C11orf65: variants seen among roughly 807,000 people sequenced by gnomAD.
The protein encoded by C11orf65 is chromosome 11 open reading frame 65, also known as protein MFI.
A neutral mutation model predicts 35.3 loss-of-function variants in C11orf65; 38 were observed. That is an observed-to-expected ratio of 1.08 (90% confidence interval 0.83 to 1.41). The LOEUF (loss-of-function observed/expected upper bound fraction) is 1.41, where lower values mean the gene tolerates loss of function less well. Ranked by LOEUF, C11orf65 falls within the 40% of genes most tolerant of loss-of-function variation. The probability of loss-of-function intolerance (pLI) is 0.00; values close to 1 mark genes in which losing one functional copy is unlikely to be tolerated. For synonymous variants in C11orf65, 105 were observed against 114.4 expected (o/e 0.92, Z 0.53); for missense variants, 370 against 367.1 (o/e 1.01, Z -0.06).
intron 3 of C11orf65, among the ~76,000 whole-genome samples, chr11:108,419,572 C>CA (rs1255665670): frequency 6.6e-6 from 1 of 152,172 alleles, no homozygotes; most frequent in East Asian, 1.9e-4. Flanking sequence ...CATGGTGGCC[C>CA]ACACCTGTGG....
At chr11:108,408,139 C>T (rs917602703) in intron 3 of C11orf65, among the ~76,000 whole-genome samples, 2 of 151,458 alleles carry the variant, frequency 1.3e-5, no homozygotes, top group African/African-American at 4.8e-5. Context: ...GACTTAATTT[C>T]TTATGGACAT....
chr11:108,331,318 T>G (rs1179175086), downstream of C11orf65: 28 of 1,462,492 alleles, frequency 1.9e-5, no homozygotes, highest in African/African-American at 2.9e-5. Flanking sequence ...AACAATATAG[T>G]TAGTGAAGTT....
chr11:108,466,192 A>G (rs776131695), intron 1 of C11orf65, among the ~76,000 whole-genome samples: 2 of 152,164 alleles, frequency 1.3e-5, no homozygotes, highest in Non-Finnish European at 2.9e-5. Flanking sequence ...GGCTTTAGAT[A>G]AGAAATAAGA....
rs763650972 is a variant in C11orf65, at chr11:108,315,964, T to A, written c.641-6893A>T. 1.7e-5 allele frequency: 27 copies of A among 1,607,428 alleles called. No homozygotes were observed. In the East Asian group the frequency reaches 5.6e-4, roughly 33 times the overall value. ...ATAGTAATTCTGTTTATGAAGGAGT[T>A]ATGTGTGTGTAAAACCCAAAGCTAT... On this transcript the variant is annotated intron_variant, in intron 6 of 6. Transcript: ENST00000525729.
At chr11:108,365,962 A>G in intron 2 of C11orf65, 1 of 173,280 alleles carries the variant, frequency 5.8e-6, no homozygotes, top group Non-Finnish European at 1.2e-5. Context: ...CTGGGAGGTG[A>G]AGGTTGCTGT....
At chr11:108,394,575 G>A (rs745857008) in intron 6 of C11orf65, among the ~76,000 whole-genome samples, 17 of 152,174 alleles carry the variant, frequency 1.1e-4, no homozygotes, top group African/African-American at 4.1e-4. Context: ...AGTAACTAGA[G>A]AGAAGTTAGT....
At chr11:108,332,651 C>T in intron 3 of C11orf65, 11 of 1,153,696 alleles carry the variant, frequency 9.5e-6, no homozygotes, top group Non-Finnish European at 1.4e-5. Context: ...TATAATCATT[C>T]CATTGTCTAG....
intron 3 of C11orf65, among the ~76,000 whole-genome samples, chr11:108,333,254 G>A (rs1237153307): frequency 6.6e-6 from 1 of 152,010 alleles, no homozygotes; most frequent in Non-Finnish European, 1.5e-5. Context: ...TACTAAAACT[G>A]CCCTGGGACT....
intron 6 of C11orf65, chr11:108,326,037 C>A: frequency 6.2e-7 from 1 of 1,611,926 alleles, no homozygotes. Context: ...TATTTATTCC[C>A]ATATGTCATT....
intron 2 of C11orf65, among the ~76,000 whole-genome samples, chr11:108,364,454 G>T (rs1011635657): frequency 6.6e-6 from 1 of 152,066 alleles, no homozygotes; most frequent in African/African-American, 2.4e-5. Flanking sequence ...AGTTGTTTTG[G>T]TATCCTAATT....
chr11:108,366,890 A>G (rs1054761195), intron 2 of C11orf65: 16 of 227,958 alleles, frequency 7.0e-5, no homozygotes, highest in African/African-American at 3.5e-4. Context: ...TGCTCCCCAT[A>G]TAGATGTCTA....
chr11:108,397,032 C>T (rs1341532384), intron 6 of C11orf65, among the ~76,000 whole-genome samples: 1 of 151,242 alleles, frequency 6.6e-6, no homozygotes, highest in African/African-American at 2.4e-5. Flanking sequence ...TTAAAAAGAC[C>T]TAAAATTGGC....
intron 2 of C11orf65, among the ~76,000 whole-genome samples, chr11:108,360,604 C>A (rs2090609804): frequency 6.7e-6 from 1 of 149,570 alleles, no homozygotes; most frequent in Admixed American, 6.7e-5. Flanking sequence ...CACCATGATC[C>A]AGTGGGCTTC....
At chr11:108,441,903 A>T (rs781321671) in intron 2 of C11orf65, among the ~76,000 whole-genome samples, 1 of 152,256 alleles carries the variant, frequency 6.6e-6, no homozygotes, top group Non-Finnish European at 1.5e-5. Context: ...TCTAAATATC[A>T]GAATGCCTCT....
intron 2 of C11orf65, among the ~76,000 whole-genome samples, chr11:108,361,161 A>T (rs2137672045): frequency 7.8e-6 from 1 of 128,742 alleles, no homozygotes; most frequent in East Asian, 2.1e-4. Context: ...CAACAGACAA[A>T]CAGAGAGCCA....
At chr11:108,317,650 T>TACACACACACACACAC (rs1261995220) in intron 6 of C11orf65, 7 of 130,250 alleles carry the variant, frequency 5.4e-5, no homozygotes, top group African/African-American at 3.2e-4. Flanking sequence ...TATATATATA[T>TACACACACACACACAC]ATACACACAC....
chr11:108,317,293 G>T (rs2136157804), intron 6 of C11orf65: 1 of 1,440,788 alleles, frequency 6.9e-7, no homozygotes, highest in Non-Finnish European at 9.6e-7. Flanking sequence ...AAGTTAATTT[G>T]TATCTTTGCT....
At chr11:108,358,294 G>A (rs1287667290) in intron 2 of C11orf65, among the ~76,000 whole-genome samples, 1 of 145,472 alleles carries the variant, frequency 6.9e-6, no homozygotes. Flanking sequence ...ATGGGACTAT[G>A]TGAAAAGACC....
At chr11:108,417,866 T>C (rs949958612) in intron 3 of C11orf65, among the ~76,000 whole-genome samples, 8 of 151,592 alleles carry the variant, frequency 5.3e-5, no homozygotes, top group Non-Finnish European at 1.0e-4. Flanking sequence ...TGTATACCTA[T>C]GTAACAAACC....
Sources: allele counts gnomAD v4.1 joint callset (sites outside exome capture counted in the v4.1 genomes callset), GRCh38; gene constraint gnomAD v4.1.1; transcripts MANE v1.5; gene names NCBI Gene and HGNC (gene_info 2026-07-23, HGNC 2026-07-21).